Variants in OVCH2 observed in about 807,000 individuals in gnomAD.
OVCH2 encodes ovochymase 2, also known as ovochymase-2.
A neutral mutation model predicts 73.7 loss-of-function variants in OVCH2; 88 were observed. The observed-to-expected ratio is 1.19, with a 90% CI of 1.01 to 1.43. The LOEUF (loss-of-function observed/expected upper bound fraction) is 1.43. Among genes scored for constraint, OVCH2 ranks in the 40% most tolerant of loss-of-function variants. The probability of loss-of-function intolerance (pLI) is 0.00; values close to 1 mark genes in which losing one functional copy is unlikely to be tolerated. For missense variants in OVCH2, 706 were observed against 674.5 expected (o/e 1.05, Z -0.52); for synonymous variants, 265 against 234.5 (o/e 1.13, Z -1.19).
At chr11:7,697,889 T>A (rs1856366963) in intron 8 of OVCH2, among the ~76,000 whole-genome samples, 1 of 152,234 alleles carries the variant, frequency 6.6e-6, no homozygotes, top group African/African-American at 2.4e-5. Flanking sequence ...ATCTAATTAA[T>A]CAGCTTTCTA....
intron 12 of OVCH2, among the ~76,000 whole-genome samples, chr11:7,692,295 T>G (rs1856237811): frequency 6.6e-6 from 1 of 152,156 alleles, no homozygotes; most frequent in African/African-American, 2.4e-5. Flanking sequence ...TTTTTTTCCT[T>G]GGAAGCAACT....
intron 12 of OVCH2, among the ~76,000 whole-genome samples, chr11:7,694,564 A>T (rs191622621): frequency 5.3e-5 from 8 of 152,248 alleles, no homozygotes; most frequent in African/African-American, 1.7e-4. Context: ...AATAAGGAAG[A>T]CATGCTTGTT....
the OVCH2 span, among the ~76,000 whole-genome samples, chr11:7,678,858 G>A: frequency 6.6e-5 from 10 of 152,134 alleles, no homozygotes; most frequent in African/African-American, 9.7e-5. Flanking sequence ...CCTGGGTCAC[G>A]CGATCATTTG....
intron 2 of OVCH2, 91 bp downstream of exon 2, chr11:7,704,474 G>A: frequency 2.4e-6 from 2 of 837,184 alleles, no homozygotes; most frequent in Non-Finnish European, 3.7e-6. Context: ...CTAGGCTGTA[G>A]GCTCCTCAAA....
chr11:7,704,467 G>C (rs1454410042), intron 2 of OVCH2, 98 bp downstream of exon 2: 16 of 774,554 alleles, frequency 2.1e-5, no homozygotes, highest in Non-Finnish European at 3.3e-5. Context: ...AACCCAACTA[G>C]GCTGTAGGCT....
chr11:7,684,013 G>A, the OVCH2 span, among the ~76,000 whole-genome samples: 2 of 146,578 alleles, frequency 1.4e-5, no homozygotes, highest in Admixed American at 1.4e-4. Context: ...ATATATATAT[G>A]TATATAAAAT....
At chr11:7,698,882 CTAA>C (rs780641333) in intron 7 of OVCH2, 109 bp from the exon 8 acceptor site, 175 of 1,082,966 alleles carry the variant, frequency 1.6e-4, no homozygotes, top group Non-Finnish European at 2.2e-4. Context: ...CAATATGCAA[CTAA>C]TAAAAATCTT....
Position 7,698,792 on chromosome 11 carries a change from G to A in OVCH2, c.902-19C>T, listed in dbSNP as rs1332696447. On this transcript the variant is annotated intron_variant, in intron 7 of 15. Coordinates refer to ENST00000533663, the MANE Select transcript of OVCH2 (RefSeq NM_198185.7). Reference sequence around the variant, plus strand: ...CGATTACCTGGGAAAGGAAAAGAAGGATGCAATTGAAAGCCTGTGGTATCC... The same window carrying A: ...CGATTACCTGGGAAAGGAAAAGAAGAATGCAATTGAAAGCCTGTGGTATCC... 1 of 1,612,166 alleles carries A rather than the reference G, an allele frequency of 6.2e-7. No individual in the cohort carries two copies. The highest frequency in any genetic ancestry group is 1.1e-5 in the South Asian group (1 of 90,396).
At chr11:7,697,830 T>TC (rs77108464) in intron 8 of OVCH2, among the ~76,000 whole-genome samples, 3,188 of 152,260 alleles carry the variant, frequency 0.021, 72 homozygotes, top group African/African-American at 0.049. Flanking sequence ...TCGCAACCCA[T>TC]CCCCTACATG....
At chr11:7,700,761 G>C (rs1184976979) in intron 6 of OVCH2, among the ~76,000 whole-genome samples, 1 of 152,180 alleles carries the variant, frequency 6.6e-6, no homozygotes, top group Non-Finnish European at 1.5e-5. Context: ...TGCAGACTCA[G>C]AGAAGTCTTG....
rs1856338938 is a variant in OVCH2, at chr11:7,696,595, G to C, written c.1017-6C>G. 2 of 1,614,012 alleles carry C rather than the reference G, an allele frequency of 1.2e-6. No individual in the cohort carries two copies. Among genetic ancestry groups the C allele is most frequent in the Non-Finnish European group, 1.7e-6 (2 of 1,179,896 alleles). On this transcript the variant is annotated splice_region_variant and splice_polypyrimidine_tract_variant and intron_variant, in intron 9 of 15. Transcript: ENST00000533663. ...GCAGGGTCCAGACACACCGTCTGTA[G>C]GCAGATCATGGAGAGGGCGTTATTT...
chr11:7,694,236 C>G (rs1856277678), intron 12 of OVCH2, among the ~76,000 whole-genome samples: 1 of 152,200 alleles, frequency 6.6e-6, no homozygotes, highest in Admixed American at 6.5e-5. Context: ...ACTTCTACCT[C>G]CCTGATGATA....
chr11:7,705,357 TC>T (rs929243290), intron 1 of OVCH2: 1 of 152,226 alleles, frequency 6.6e-6, no homozygotes, highest in Non-Finnish European at 1.5e-5. Flanking sequence ...TATGAACTAC[TC>T]AAGGGAAAAA....
At chr11:7,702,655 C>A (rs1176058670) in intron 3 of OVCH2, among the ~76,000 whole-genome samples, 1 of 152,144 alleles carries the variant, frequency 6.6e-6, no homozygotes, top group East Asian at 1.9e-4. Context: ...TATTCAGCTA[C>A]CCTGGGAGGT....
chr11:7,698,861 G>T, intron 7 of OVCH2, 88 bp from the exon 8 acceptor site: 1 of 1,393,474 alleles, frequency 7.2e-7, no homozygotes, highest in Non-Finnish European at 1.0e-6. Flanking sequence ...GCGCACAAGA[G>T]ATTTTTAAGT....
At chr11:7,694,683 T>C (rs1050911180) in intron 12 of OVCH2, among the ~76,000 whole-genome samples, 12 of 152,078 alleles carry the variant, frequency 7.9e-5, no homozygotes, top group African/African-American at 2.9e-4. Flanking sequence ...AGTGGCGCGA[T>C]CTCGGCTCAT....
At chr11:7,690,627 G>T (rs1379666678) in intron 14 of OVCH2, among the ~76,000 whole-genome samples, 1 of 151,994 alleles carries the variant, frequency 6.6e-6, no homozygotes, top group African/African-American at 2.4e-5. Flanking sequence ...TTGTCCTCAG[G>T]ATCATTCATA....
In OVCH2 at chr11:7,700,369, A is replaced by C. The variant is rs1589879710; in HGVS notation, c.828T>G (p.Ser276Arg). ...TGAAGATCCCAGGGGATCCTTGATC[A>C]CTTTTCCTCACATTGTTTCTCCAGC... The part of the protein sequence containing the change: ...GRGWRNNVRK[S>R]DQGSPGIFTD... Residue 276 changes from serine to arginine, a missense_variant, in exon 7 of 16, where the codon AGT becomes AGG. Physicochemically the swap from Ser to Arg is moderately radical, Grantham distance 110 (BLOSUM62 -1). Transcript: ENST00000533663. 1 of 1,613,686 alleles carries C rather than the reference A, an allele frequency of 6.2e-7. No individual in the cohort carries two copies. Among genetic ancestry groups the C allele is most frequent in the South Asian group, 1.1e-5 (1 of 91,010 alleles).
chr11:7,698,859 G>C, intron 7 of OVCH2, 86 bp from the exon 8 acceptor site: 1 of 1,428,254 alleles, frequency 7.0e-7, no homozygotes, highest in Non-Finnish European at 9.7e-7. Flanking sequence ...TGGCGCACAA[G>C]AGATTTTTAA....
Sources: allele counts gnomAD v4.1 joint callset (sites outside exome capture counted in the v4.1 genomes callset), GRCh38; gene constraint gnomAD v4.1.1; transcripts MANE v1.5; gene names NCBI Gene and HGNC (gene_info 2026-07-23, HGNC 2026-07-21).